The following LRRK1 variants were observed in gnomAD, a reference collection of about 807,000 sequenced individuals.
LRRK1 encodes the protein leucine-rich repeat serine/threonine-protein kinase 1.
In LRRK1, 113 loss-of-function variants were observed where a neutral mutation model predicts 209.1. The observed-to-expected ratio is 0.54, with a 90% CI of 0.46 to 0.63. LRRK1 has a LOEUF of 0.63. Among genes scored for constraint, LRRK1 ranks in the 30% least tolerant of loss-of-function variants. LRRK1 has a pLI of 0.00. For missense variants in LRRK1, 2,284 were observed against 2,632.2 expected (o/e 0.87, Z 2.89); for synonymous variants, 1,144 against 1,099.7 (o/e 1.04, Z -0.80).
intron 17 of LRRK1, among the ~76,000 whole-genome samples, chr15:101,026,411 C>T (rs1000788476): frequency 1.3e-5 from 2 of 152,232 alleles, no homozygotes; most frequent in African/African-American, 4.8e-5. Flanking sequence ...GCCTATTGAA[C>T]CAGGAGACTG....
chr15:100,949,201 T>C (rs2141619792), intron 2 of LRRK1, among the ~76,000 whole-genome samples: 1 of 152,156 alleles, frequency 6.6e-6, no homozygotes, highest in East Asian at 1.9e-4. Flanking sequence ...GGAACATCGC[T>C]GGCAACCTTA....
intron 3 of LRRK1, among the ~76,000 whole-genome samples, chr15:100,978,901 T>C (rs2031449581): frequency 6.6e-6 from 1 of 152,082 alleles, no homozygotes; most frequent in Non-Finnish European, 1.5e-5. Flanking sequence ...TTATGAAGGC[T>C]GTATTACCCT....
At chr15:100,921,294 C>A (rs1360565217) in intron 1 of LRRK1, among the ~76,000 whole-genome samples, 6 of 152,192 alleles carry the variant, frequency 3.9e-5, no homozygotes, top group African/African-American at 1.4e-4. Context: ...CTCTCCTCCA[C>A]CCTTTTTGGG....
In LRRK1 at chr15:101,074,358, C is replaced by T. The variant is rs1379631144; in HGVS notation, c.*5510C>T. On this transcript the variant is annotated 3_prime_UTR_variant, in exon 34 of 34. Transcript: ENST00000388948. The stretch of plus-strand genomic sequence containing the variant: ...GACTAGCCCTCCCCTACCTGCCCAG[C>T]AATTTTCTCTTAAAAAGGTGGCTGG... The T allele has an allele frequency of 1.3e-5, 2 of 152,124 alleles. No homozygotes were observed. The highest frequency in any genetic ancestry group is 4.8e-5 in the African/African-American group (2 of 41,408). The allele number at this position is 152,124 out of a possible 1,614,324, so 9.4% of individuals were successfully genotyped here. A position where few individuals can be genotyped will look rare whatever the true frequency, so the allele number is the denominator to read the frequency against.
At chr15:100,951,096 C>G (rs1016895872) in intron 2 of LRRK1, among the ~76,000 whole-genome samples, 4 of 152,096 alleles carry the variant, frequency 2.6e-5, no homozygotes, top group Non-Finnish European at 5.9e-5. Flanking sequence ...GAGTGAGACT[C>G]CGTCTCAGAA....
At chr15:100,989,672 A>C in intron 6 of LRRK1, 1 of 567,284 alleles carries the variant, frequency 1.8e-6, no homozygotes. Context: ...CAATAACAAC[A>C]TCAATCCATT....
chr15:100,926,647 T>C (rs1186259167), intron 2 of LRRK1, among the ~76,000 whole-genome samples: 2 of 151,566 alleles, frequency 1.3e-5, no homozygotes, highest in Non-Finnish European at 2.9e-5. Context: ...TTTTTCATTT[T>C]CTTTCTTTCT....
intron 6 of LRRK1, among the ~76,000 whole-genome samples, chr15:101,000,255 T>C (rs2141681494): frequency 6.6e-6 from 1 of 152,378 alleles, no homozygotes; most frequent in African/African-American, 2.4e-5. Flanking sequence ...GATTTTTCTG[T>C]CATTGTCATT....
intron 2 of LRRK1, among the ~76,000 whole-genome samples, chr15:100,931,953 G>A (rs1205143131): frequency 6.6e-6 from 1 of 151,992 alleles, no homozygotes; most frequent in Admixed American, 6.6e-5. Flanking sequence ...ATGCCCATGG[G>A]TAATCACTGT....
rs2036964579 is a variant in LRRK1, at chr15:101,075,793, A to G, written c.*6945A>G. 1.3e-5 allele frequency: 2 copies of G among 151,946 alleles called. No individual in the cohort carries two copies. Among genetic ancestry groups the G allele is most frequent in the Admixed American group, 1.3e-4 (2 of 15,278 alleles). The allele number at this position is 151,946 out of a possible 1,614,324, so 9.4% of individuals were successfully genotyped here. On this transcript the variant is annotated 3_prime_UTR_variant, in exon 34 of 34. Transcript: ENST00000388948. ...CATTATTGTGTTCTGGATCTCAAAC[A>G]TGCTTTCTTTACTATTCCTTTGCAC...
intron 6 of LRRK1, among the ~76,000 whole-genome samples, chr15:100,998,128 C>G (rs145219087): frequency 1.5e-4 from 22 of 150,234 alleles, no homozygotes; most frequent in African/African-American, 5.4e-4. Context: ...TGCAGTGAGC[C>G]GAGATAGTGC....
At chr15:101,051,985 A>G (rs1197054623) in intron 24 of LRRK1, 25 bp downstream of exon 24, 2 of 1,606,738 alleles carry the variant, frequency 1.2e-6, no homozygotes, top group South Asian at 2.2e-5. Context: ...CCCCTCCCAG[A>G]ACACAGTGCA....
intron 30 of LRRK1, 31 bp downstream of exon 30, chr15:101,061,319 G>C: frequency 6.7e-7 from 1 of 1,489,376 alleles, no homozygotes; most frequent in African/African-American, 1.4e-5. Flanking sequence ...TGCCCACCGA[G>C]GTAAGCACTG....
intron 2 of LRRK1, among the ~76,000 whole-genome samples, chr15:100,972,486 T>A (rs1300674754): frequency 6.6e-6 from 1 of 151,602 alleles, no homozygotes; most frequent in African/African-American, 2.4e-5. Flanking sequence ...TCAAGAAAAC[T>A]TATTAGTATT....
chr15:101,057,557 G>A (rs575399965), intron 28 of LRRK1, among the ~76,000 whole-genome samples: 7 of 152,298 alleles, frequency 4.6e-5, no homozygotes, highest in East Asian at 3.9e-4. Flanking sequence ...TTAGAAGAAC[G>A]CATGTCCTTA....
At chr15:101,048,292 CTG>C (rs1032959148) in intron 21 of LRRK1, among the ~76,000 whole-genome samples, 200 bp from the exon 22 acceptor site, 1 of 152,088 alleles carries the variant, frequency 6.6e-6, no homozygotes, top group Admixed American at 6.6e-5. Flanking sequence ...TTTGGAAAAA[CTG>C]TGTTTCCGGA....
At chr15:101,019,825 G>A (rs2033696399) in intron 12 of LRRK1, among the ~76,000 whole-genome samples, 1 of 152,156 alleles carries the variant, frequency 6.6e-6, no homozygotes, top group Admixed American at 6.5e-5. Context: ...GAGGATAAAG[G>A]CACTTCAGAG....
At chr15:100,966,395 T>A (rs2030463247) in intron 2 of LRRK1, among the ~76,000 whole-genome samples, 1 of 152,218 alleles carries the variant, frequency 6.6e-6, no homozygotes, top group Non-Finnish European at 1.5e-5. Flanking sequence ...ACTTTTGTAG[T>A]GTCTGTAAAG....
chr15:101,006,179 G>A (rs965562979), intron 6 of LRRK1, among the ~76,000 whole-genome samples: 1 of 152,186 alleles, frequency 6.6e-6, no homozygotes, highest in African/African-American at 2.4e-5. Flanking sequence ...TGCCCCGGGT[G>A]GGGTTTAGTG....
Sources: gnomAD v4.1 joint callset for allele counts (sites outside exome capture counted in the v4.1 genomes callset) on GRCh38, gnomAD v4.1.1 for gene constraint, MANE v1.5 for transcripts, NCBI Gene and HGNC (gene_info 2026-07-23, HGNC 2026-07-21) for gene names.